PCDH15: variants seen among roughly 807,000 people sequenced by gnomAD.
PCDH15 encodes protocadherin related 15, also known as protocadherin-15.
In PCDH15, 129 loss-of-function variants were observed where a neutral mutation model predicts 178.5. That is an observed-to-expected ratio of 0.72 (90% CI 0.63 to 0.84). PCDH15 has a LOEUF of 0.84. Ranked by LOEUF, PCDH15 falls within the 40% of genes least tolerant of loss-of-function variation. PCDH15 has a pLI of 0.00. For synonymous variants in PCDH15, 800 were observed against 732.0 expected, an observed-to-expected ratio of 1.09 and a Z score of -1.50; for missense variants, 2,230 against 2,099.9, an observed-to-expected ratio of 1.06 and a Z score of -1.21.
chr10:55,027,693 C>T (rs1840508372), intron 2 of PCDH15, among the ~76,000 whole-genome samples: 1 of 151,710 alleles, frequency 6.6e-6, no homozygotes, highest in South Asian at 2.1e-4. Context: ...AGCGATAGGA[C>T]TCTAATTTAG....
chr10:54,980,446 C>A (rs1186830160), intron 2 of PCDH15, among the ~76,000 whole-genome samples: 2 of 151,810 alleles, frequency 1.3e-5, no homozygotes, highest in Non-Finnish European at 2.9e-5. Flanking sequence ...AGTCATTACC[C>A]CTAAACAGAA....
At chr10:55,584,658 CAAAAAAAAA>C (rs59983365) in intron 2 of PCDH15, among the ~76,000 whole-genome samples, 1 of 72,260 alleles carries the variant, frequency 1.4e-5, no homozygotes, top group Non-Finnish European at 2.6e-5. Flanking sequence ...ACTCTGTCTC[CAAAAAAAAA>C]AAAAAAAAAA....
chr10:54,056,547 G>T (rs2093892334), intron 18 of PCDH15, among the ~76,000 whole-genome samples: 1 of 152,150 alleles, frequency 6.6e-6, no homozygotes, highest in Admixed American at 6.6e-5. Context: ...CATGAGAACA[G>T]TGTGGGGAAA....
intron 18 of PCDH15, among the ~76,000 whole-genome samples, chr10:54,064,777 G>A (rs2094105445): frequency 6.6e-6 from 1 of 152,150 alleles, no homozygotes; most frequent in Non-Finnish European, 1.5e-5. Context: ...AGCTGGAAGA[G>A]GTCAGGCAGG....
At chr10:54,942,446 G>A (rs1838088249) in intron 2 of PCDH15, among the ~76,000 whole-genome samples, 1 of 151,564 alleles carries the variant, frequency 6.6e-6, no homozygotes, top group Admixed American at 6.6e-5. Context: ...TTTTTCCTGG[G>A]GACCAGGTTC....
intron 2 of PCDH15, among the ~76,000 whole-genome samples, chr10:55,328,424 T>C (rs1261866573): frequency 6.6e-6 from 1 of 152,008 alleles, no homozygotes; most frequent in East Asian, 1.9e-4. Context: ...CACATTTTAC[T>C]ATACTGAATA....
At chr10:54,276,769 C>T (rs1358569151) in intron 8 of PCDH15, among the ~76,000 whole-genome samples, 1 of 151,554 alleles carries the variant, frequency 6.6e-6, no homozygotes. Context: ...ACTGATAAAT[C>T]ACAAAAACAT....
At chr10:54,081,290 C>A (rs1214006015) in intron 16 of PCDH15, among the ~76,000 whole-genome samples, 1 of 138,762 alleles carries the variant, frequency 7.2e-6, no homozygotes, top group Non-Finnish European at 1.5e-5. Context: ...ATATCGCCTC[C>A]CAACTGTATA....
At chr10:54,824,251 A>G (rs1384140856) in intron 3 of PCDH15, among the ~76,000 whole-genome samples, 1 of 152,188 alleles carries the variant, frequency 6.6e-6, no homozygotes, top group Non-Finnish European at 1.5e-5. Flanking sequence ...ACATGTATTG[A>G]AGCCCACTAT....
intron 26 of PCDH15, among the ~76,000 whole-genome samples, chr10:53,887,730 A>G (rs1039836061): frequency 2.6e-5 from 4 of 152,192 alleles, no homozygotes; most frequent in African/African-American, 9.6e-5. Flanking sequence ...TCTACTAAAA[A>G]TACGAAAAAT....
intron 18 of PCDH15, among the ~76,000 whole-genome samples, chr10:54,062,246 A>AAAAAAAAAAAAAAAAAAAAAAAAAAAG (rs2094038412): frequency 7.4e-6 from 1 of 135,054 alleles, no homozygotes; most frequent in African/African-American, 3.0e-5. Flanking sequence ...AAAAAAAAAA[A>AAAAAAAAAAAAAAAAAAAAAAAAAAAG]AAAAAACAAA....
rs972319903 is a variant in PCDH15, at chr10:53,831,600, C to A, written c.3984-67G>T. On this transcript the variant is annotated intron_variant, in intron 29 of 37. Transcript: ENST00000644397. ...AGAAAGAGCATTTTAAAAATAAAAT[C>A]TTTTTGTAAGATCTTTCAATATTTT... 2.8e-5 allele frequency: 33 copies of A among 1,190,222 alleles called. No individual in the cohort carries two copies. The African/African-American group carries it at 4.3e-4, about 16-fold the overall frequency. 73.7% of individuals were successfully genotyped at this position (1,190,222 alleles called of 1,614,324 possible).
chr10:54,004,085 T>C (rs1438153683), intron 20 of PCDH15, among the ~76,000 whole-genome samples: 2 of 108,958 alleles, frequency 1.8e-5, no homozygotes, highest in African/African-American at 3.9e-5. Flanking sequence ...TAAAATTCAA[T>C]GCTCTTTCAT....
intron 2 of PCDH15, among the ~76,000 whole-genome samples, chr10:55,072,428 C>A (rs1292660433): frequency 6.6e-6 from 1 of 152,130 alleles, no homozygotes; most frequent in East Asian, 1.9e-4. Flanking sequence ...CACCACCGAT[C>A]CCATAGAAAT....
intron 20 of PCDH15, among the ~76,000 whole-genome samples, chr10:54,001,362 A>T (rs895957544): frequency 6.6e-5 from 10 of 152,140 alleles, no homozygotes; most frequent in African/African-American, 2.4e-4. Context: ...TGAAACAAAA[A>T]TAACTACAAT....
At chr10:54,964,544 T>A (rs1288864181) in intron 2 of PCDH15, among the ~76,000 whole-genome samples, 1 of 152,158 alleles carries the variant, frequency 6.6e-6, no homozygotes, top group Non-Finnish European at 1.5e-5. Context: ...CTCAAAATTG[T>A]ATAAAGTGTG....
At chr10:55,450,702 A>G (rs1482646539) in intron 2 of PCDH15, among the ~76,000 whole-genome samples, 5 of 152,054 alleles carry the variant, frequency 3.3e-5, no homozygotes, top group African/African-American at 7.2e-5. Context: ...CTTTTCAAGC[A>G]CTGGCACTTT....
intron 1 of PCDH15, among the ~76,000 whole-genome samples, chr10:54,692,918 A>C (rs543665918): frequency 3.3e-5 from 5 of 152,246 alleles, no homozygotes; most frequent in Non-Finnish European, 5.9e-5. Context: ...TAACAACAAC[A>C]ACCACAACAA....
intron 3 of PCDH15, among the ~76,000 whole-genome samples, chr10:54,482,531 G>A (rs1480167515): frequency 6.6e-6 from 1 of 151,712 alleles, no homozygotes; most frequent in Non-Finnish European, 1.5e-5. Flanking sequence ...TGTGAAAATG[G>A]ATGTCAATTG....
Sources: gnomAD v4.1 joint callset for allele counts (sites outside exome capture counted in the v4.1 genomes callset) on GRCh38, gnomAD v4.1.1 for gene constraint, MANE v1.5 for transcripts, NCBI Gene and HGNC (gene_info 2026-07-23, HGNC 2026-07-21) for gene names.